The following PLCB1 variants were observed in gnomAD, a reference collection of about 807,000 sequenced individuals.
PLCB1 encodes phospholipase C beta 1, also known as 1-phosphatidylinositol 4,5-bisphosphate phosphodiesterase beta-1.
In PLCB1, 46 loss-of-function variants were observed where a neutral mutation model predicts 161.8. That is an observed-to-expected ratio of 0.28 (90% CI 0.22 to 0.36). The LOEUF (loss-of-function observed/expected upper bound fraction) is 0.36. PLCB1 is among the 10% of genes least tolerant of loss of function. The pLI is 1.00. For missense variants in PLCB1, 1,016 were observed against 1,472.5 expected (o/e 0.69, Z 5.07); for synonymous variants, 517 against 503.7 (o/e 1.03, Z -0.35).
chr20:8,286,601 G>T (rs1473355720), intron 2 of PLCB1, among the ~76,000 whole-genome samples: 3 of 152,170 alleles, frequency 2.0e-5, no homozygotes, highest in Non-Finnish European at 4.4e-5. Flanking sequence ...ATCCTTTACA[G>T]TTCCTTCCAT....
intron 1 of PLCB1, among the ~76,000 whole-genome samples, chr20:8,141,217 G>A (rs2051399614): frequency 6.6e-6 from 1 of 152,164 alleles, no homozygotes; most frequent in Non-Finnish European, 1.5e-5. Context: ...TGCAAACTCA[G>A]TTTTTGAGCT....
At chr20:8,546,168 A>C (rs2122975252) in intron 3 of PLCB1, among the ~76,000 whole-genome samples, 1 of 134,348 alleles carries the variant, frequency 7.4e-6, no homozygotes, top group African/African-American at 2.9e-5. Context: ...TACAAAAATT[A>C]GCTGGGCATG....
intron 4 of PLCB1, among the ~76,000 whole-genome samples, chr20:8,635,325 A>C (rs1006261471): frequency 6.6e-6 from 1 of 152,212 alleles, no homozygotes; most frequent in Middle Eastern, 3.4e-3. Flanking sequence ...GGAAAAGGGG[A>C]GGCTTTTGAA....
At chr20:8,339,901 C>T (rs1985735629) in intron 2 of PLCB1, among the ~76,000 whole-genome samples, 2 of 152,140 alleles carry the variant, frequency 1.3e-5, no homozygotes, top group South Asian at 4.1e-4. Flanking sequence ...GTCGGGAGTT[C>T]AAGGCTGCAG....
rs146051734 is a variant in PLCB1, at chr20:8,661,140, A to AT, written c.862+2442dup. On this transcript the variant is annotated intron_variant, in intron 9 of 31. Coordinates refer to ENST00000338037, the MANE Select transcript of PLCB1 (RefSeq NM_015192.4). ...TTTCATTCCTCAGGTGTCGTTGTCCATTTTTTCTAGGAGATCCCATGATTT... is the reference window on the plus strand; with the variant it reads ...TTTCATTCCTCAGGTGTCGTTGTCCATTTTTTTCTAGGAGATCCCATGATTT... 6.4e-3 allele frequency among the ~76,000 whole-genome samples: 969 copies of AT among 152,100 alleles called. 10 individuals carry two copies. Among genetic ancestry groups the AT allele is most frequent in the African/African-American group, 0.022 (924 of 41,496 alleles).
chr20:8,728,829 G>A (rs1980079686), intron 17 of PLCB1, among the ~76,000 whole-genome samples: 1 of 151,776 alleles, frequency 6.6e-6, no homozygotes, highest in Admixed American at 6.6e-5. Flanking sequence ...TGATATTACT[G>A]ACAACAAAAA....
intron 2 of PLCB1, among the ~76,000 whole-genome samples, chr20:8,281,674 A>C (rs899651265): frequency 3.3e-5 from 5 of 152,142 alleles, no homozygotes; most frequent in African/African-American, 4.8e-5. Flanking sequence ...GTATGGTTGC[A>C]TTGCCTTTTA....
At chr20:8,554,760 A>G (rs1413090761) in intron 3 of PLCB1, among the ~76,000 whole-genome samples, 2 of 152,096 alleles carry the variant, frequency 1.3e-5, no homozygotes, top group Admixed American at 6.6e-5. Flanking sequence ...ACCTCAATAA[A>G]ATGCTGTTAA....
intron 3 of PLCB1, among the ~76,000 whole-genome samples, chr20:8,383,893 G>T: frequency 6.6e-6 from 1 of 152,220 alleles, no homozygotes. Context: ...GAGGTCTGCT[G>T]TTGGTCTGAT....
intron 3 of PLCB1, among the ~76,000 whole-genome samples, chr20:8,601,247 G>T (rs1003185746): frequency 1.3e-5 from 2 of 152,198 alleles, no homozygotes; most frequent in Non-Finnish European, 2.9e-5. Context: ...AAGTTCAGGG[G>T]TATATGCGCA....
intron 16 of PLCB1, among the ~76,000 whole-genome samples, chr20:8,724,974 T>C (rs754418967): frequency 6.6e-6 from 1 of 152,136 alleles, no homozygotes; most frequent in Non-Finnish European, 1.5e-5. Flanking sequence ...TCTATGGTGT[T>C]CTCCAAAAAT....
At chr20:8,372,015 G>T (rs1217316200) in intron 3 of PLCB1, 1 of 152,188 alleles carries the variant, frequency 6.6e-6, no homozygotes, top group Non-Finnish European at 1.5e-5. Flanking sequence ...TTTATTTTTT[G>T]AAGATAATTT....
chr20:8,736,814 T>C (rs964171429), intron 19 of PLCB1, among the ~76,000 whole-genome samples: 7 of 152,166 alleles, frequency 4.6e-5, no homozygotes, highest in African/African-American at 1.7e-4. Context: ...GGATTACAAT[T>C]CAACATGAGA....
intron 2 of PLCB1, among the ~76,000 whole-genome samples, chr20:8,353,912 A>G (rs1204836865): frequency 6.6e-6 from 1 of 152,080 alleles, no homozygotes; most frequent in Non-Finnish European, 1.5e-5. Context: ...AATGTATCAT[A>G]CTAATGTAAG....
At chr20:8,638,399 A>C (rs1988835036) in intron 4 of PLCB1, among the ~76,000 whole-genome samples, 3 of 152,090 alleles carry the variant, frequency 2.0e-5, no homozygotes, top group Non-Finnish European at 4.4e-5. Context: ...AGCAAGGAGA[A>C]AGGGCAGGTG....
At chr20:8,789,410 A>T (rs931089136) in intron 29 of PLCB1, 108 bp from the exon 30 acceptor site, 2 of 780,728 alleles carry the variant, frequency 2.6e-6, no homozygotes, top group Non-Finnish European at 4.4e-6. Context: ...TAAGGAAAAA[A>T]GAAAAAGAAT....
At chr20:8,583,542 A>G (rs899492037) in intron 3 of PLCB1, among the ~76,000 whole-genome samples, 1 of 152,210 alleles carries the variant, frequency 6.6e-6, no homozygotes, top group Non-Finnish European at 1.5e-5. Context: ...TCTCCAGTAC[A>G]TATGCCATGT....
At chr20:8,500,766 CA>C (rs1463573755) in intron 3 of PLCB1, among the ~76,000 whole-genome samples, 2 of 152,160 alleles carry the variant, frequency 1.3e-5, no homozygotes, top group Non-Finnish European at 2.9e-5. Context: ...TGCCTCGAAT[CA>C]AATCCTAGAG....
chr20:8,502,230 A>G (rs1983456040), intron 3 of PLCB1, among the ~76,000 whole-genome samples: 1 of 152,126 alleles, frequency 6.6e-6, no homozygotes, highest in African/African-American at 2.4e-5. Flanking sequence ...TATTAAAAAT[A>G]TATATTCTTA....
Sources: gnomAD v4.1 joint callset for allele counts (sites outside exome capture counted in the v4.1 genomes callset) on GRCh38, gnomAD v4.1.1 for gene constraint, MANE v1.5 for transcripts, NCBI Gene and HGNC (gene_info 2026-07-23, HGNC 2026-07-21) for gene names.